Variants in OSBPL10 observed in about 807,000 individuals in gnomAD.
OSBPL10 encodes the protein oxysterol binding protein like 10.
A neutral mutation model predicts 81.7 loss-of-function variants in OSBPL10; 49 were observed. That is an observed-to-expected ratio of 0.60 (90% CI 0.48 to 0.76). OSBPL10 has a LOEUF of 0.76. Ranked by LOEUF, OSBPL10 falls within the 30% of genes least tolerant of loss-of-function variation. The pLI is 0.00. For missense variants in OSBPL10, 923 were observed against 987.8 expected, an observed-to-expected ratio of 0.93 and a Z score of 0.88; for synonymous variants, 419 against 383.6, an observed-to-expected ratio of 1.09 and a Z score of -1.08.
At chr3:32,015,898 T>C (rs1699309904) in intron 2 of OSBPL10, among the ~76,000 whole-genome samples, 1 of 152,202 alleles carries the variant, frequency 6.6e-6, no homozygotes, top group Non-Finnish European at 1.5e-5. Flanking sequence ...CACAATGAGA[T>C]ACCATCTCAC....
In OSBPL10 at chr3:31,747,920, T is replaced by C. The variant is rs371441581; in HGVS notation, c.930A>G (p.Pro310=). The change falls in exon 5 of 12, where the codon CCA becomes CCG. Residue 310 remains proline (P), a synonymous_variant. Coordinates refer to ENST00000396556, the MANE Select transcript of OSBPL10 (RefSeq NM_017784.5). ...VHQAGQPSQK[P]GASENILGWH... ...CCCCGGGGGTCTTACCCGAGGCTCC[T>C]GGCTTCTGGCTGGGCTGGCCCGCCT... The C allele has an allele frequency of 1.2e-6, 2 of 1,613,448 alleles. No homozygotes were observed. Among genetic ancestry groups the C allele is most frequent in the Non-Finnish European group, 1.7e-6 (2 of 1,180,022 alleles).
chr3:31,893,384 T>C (rs1181272168), intron 1 of OSBPL10, among the ~76,000 whole-genome samples: 1 of 152,180 alleles, frequency 6.6e-6, no homozygotes, highest in Non-Finnish European at 1.5e-5. Flanking sequence ...TCACACCCAC[T>C]AGAACAGCTA....
upstream of OSBPL10, among the ~76,000 whole-genome samples, chr3:31,983,150 T>G (rs563901506): frequency 1.3e-5 from 2 of 152,322 alleles, no homozygotes; most frequent in African/African-American, 4.8e-5. Flanking sequence ...TAGCATTATT[T>G]TTTACCACAG....
At position 31,822,913 on chromosome 3, in the gene OSBPL10, T is replaced by TAAAAAAAAAA. The variant is rs71097447; in HGVS notation, c.729+7117_729+7126dup. Among the ~76,000 whole-genome samples the TAAAAAAAAAA allele has an allele frequency of 8.8e-3, 780 of 88,894 alleles. 20 individuals are homozygous for TAAAAAAAAAA. The highest frequency in any genetic ancestry group is 0.029 in the African/African-American group (721 of 25,282). 58.3% of individuals were successfully genotyped at this position (88,894 alleles called of 152,430 possible). A position where few individuals can be genotyped will look rare whatever the true frequency, so the allele number is the denominator to read the frequency against. On this transcript the variant is annotated intron_variant, in intron 4 of 11. Coordinates refer to ENST00000396556, the MANE Select transcript of OSBPL10 (RefSeq NM_017784.5). ...TCCAACAGAGTGAGACCCCCAACTC[T>TAAAAAAAAAA]AAAAAAAAAAAAAAAGTTAAAATAG... is the stretch of plus-strand genomic sequence containing the variant.
chr3:31,888,427 T>G (rs1454026805), intron 1 of OSBPL10, among the ~76,000 whole-genome samples: 1 of 152,098 alleles, frequency 6.6e-6, no homozygotes, highest in African/African-American at 2.4e-5. Context: ...TATAAATTAG[T>G]GAGACCTCAA....
intron 4 of OSBPL10, among the ~76,000 whole-genome samples, chr3:31,750,388 T>TTGAA (rs1697674221): frequency 6.6e-6 from 1 of 152,202 alleles, no homozygotes; most frequent in East Asian, 1.9e-4. Context: ...TACCTACCTA[T>TTGAA]TGAATGAATG....
At chr3:31,947,693 G>A (rs79169829) in intron 1 of OSBPL10, among the ~76,000 whole-genome samples, 3,032 of 152,244 alleles carry the variant, frequency 0.02, 114 homozygotes, top group African/African-American at 0.068. Context: ...AGACTCCTGT[G>A]GAAACACTCC....
chr3:31,934,698 G>A (rs1306026233), intron 1 of OSBPL10, among the ~76,000 whole-genome samples: 2 of 149,096 alleles, frequency 1.3e-5, no homozygotes, highest in East Asian at 3.9e-4. Flanking sequence ...GAAAAAAAAA[G>A]GCTGACTATA....
At chr3:31,989,756 G>C (rs1340557225) in intron 2 of OSBPL10, 1 of 1,614,142 alleles carries the variant, frequency 6.2e-7, no homozygotes, top group East Asian at 2.2e-5. Context: ...GTACACATAA[G>C]AGAAAAATCT....
chr3:31,886,043 G>T (rs149753553), intron 1 of OSBPL10, among the ~76,000 whole-genome samples: 3 of 148,380 alleles, frequency 2.0e-5, no homozygotes, highest in East Asian at 2.0e-4. Context: ...AGAAGGAGAT[G>T]GGGGGTGGGG....
At chr3:31,697,820 T>C (rs557052985) in intron 7 of OSBPL10, among the ~76,000 whole-genome samples, 47 of 152,074 alleles carry the variant, frequency 3.1e-4, no homozygotes, top group Non-Finnish European at 4.3e-4. Context: ...TGGAGTGCAA[T>C]GGAGTGATCT....
intron 1 of OSBPL10, among the ~76,000 whole-genome samples, chr3:31,934,770 A>G (rs1029330377): frequency 2.0e-5 from 3 of 152,180 alleles, no homozygotes; most frequent in African/African-American, 7.2e-5. Flanking sequence ...AGTTTAAAGG[A>G]AAAAAAATTG....
At chr3:32,028,540 CAT>C (rs1699436818) in intron 2 of OSBPL10, among the ~76,000 whole-genome samples, 1 of 152,148 alleles carries the variant, frequency 6.6e-6, no homozygotes, top group Admixed American at 6.5e-5. Context: ...TGGATACATA[CAT>C]ACACATATAC....
intron 5 of OSBPL10, among the ~76,000 whole-genome samples, chr3:31,745,822 A>C (rs1200402938): frequency 6.6e-6 from 1 of 152,230 alleles, no homozygotes; most frequent in Admixed American, 6.5e-5. Context: ...ACCAAAAGAA[A>C]ACCAAATTAC....
chr3:31,772,599 T>G (rs1698414435), intron 4 of OSBPL10, among the ~76,000 whole-genome samples: 1 of 152,198 alleles, frequency 6.6e-6, no homozygotes, highest in African/African-American at 2.4e-5. Context: ...GAGCTGAGCT[T>G]CTTCCACTGC....
chr3:32,065,971 G>T lies in OSBPL10; in HGVS notation n.185+11425C>A, dbSNP rs1328691873. Among the ~76,000 whole-genome samples, 6 of 58,588 alleles carry T rather than the reference G, an allele frequency of 1.0e-4. 1 individual carries two copies. The East Asian group carries it at 4.9e-3, about 48-fold the overall frequency. 38.4% of individuals were successfully genotyped at this position (58,588 alleles called of 152,430 possible). On this transcript the variant is annotated intron_variant and non_coding_transcript_variant, in intron 1 of 3. Transcript: ENST00000479173. ...AGAAAGAAAGAAAGAAAGAAAGAAA[G>T]AAAGAAAGAAAGAAAGAAAGAAAGA...
At position 32,052,219 on chromosome 3, in the gene OSBPL10, C is replaced by T. The variant is rs576205667; in HGVS notation, n.186-5616G>A. Among the ~76,000 whole-genome samples the T allele has an allele frequency of 7.9e-5, 12 of 151,216 alleles. No individual in the cohort carries two copies. The South Asian group carries it at 2.5e-3, about 32-fold the overall frequency. On this transcript the variant is annotated intron_variant and non_coding_transcript_variant, in intron 1 of 3. Coordinates refer to the OSBPL10 transcript ENST00000479173. ...CAGAGATCACACCACTCCACTCCAACCTGAGTGACAGAATAAGATCCTGTC... is the reference window on the plus strand; with the variant it reads ...CAGAGATCACACCACTCCACTCCAATCTGAGTGACAGAATAAGATCCTGTC...
intron 2 of OSBPL10, among the ~76,000 whole-genome samples, chr3:32,030,891 C>T (rs924122907): frequency 6.6e-5 from 10 of 152,020 alleles, no homozygotes; most frequent in South Asian, 2.1e-4. Context: ...GGAGGCCGGG[C>T]GCGGTGGCTC....
intron 4 of OSBPL10, among the ~76,000 whole-genome samples, chr3:31,755,290 C>G (rs1697852115): frequency 6.6e-6 from 1 of 152,116 alleles, no homozygotes; most frequent in South Asian, 2.1e-4. Flanking sequence ...TTATGCCTAA[C>G]GGTATAATAG....
Sources: gnomAD v4.1 joint callset for allele counts (sites outside exome capture counted in the v4.1 genomes callset) on GRCh38, gnomAD v4.1.1 for gene constraint, MANE v1.5 for transcripts, NCBI Gene and HGNC (gene_info 2026-07-23, HGNC 2026-07-21) for gene names.